PLEKHA7: variants seen among roughly 807,000 people sequenced by gnomAD.
The protein encoded by PLEKHA7 is pleckstrin homology domain-containing family A member 7.
PLEKHA7 carries 104 observed loss-of-function variants against 170.0 expected under a neutral mutation model. The ratio of observed to expected loss-of-function variants is 0.61; its 90% CI spans 0.52 to 0.72. The LOEUF is 0.72. Ranked by LOEUF, PLEKHA7 falls within the 30% of genes least tolerant of loss-of-function variation. The pLI, the probability that PLEKHA7 is intolerant of heterozygous loss-of-function variation, is 0.00. For synonymous variants in PLEKHA7, 648 were observed against 660.8 expected (o/e 0.98, Z 0.30); for missense variants, 1,615 against 1,671.7 (o/e 0.97, Z 0.59).
Position 16,791,648 on chromosome 11 carries a change from A to T in PLEKHA7, c.2746-449T>A, listed in dbSNP as rs1295598666. 2.2e-6 allele frequency: 1 copy of T among 459,748 alleles called. No individual in the cohort carries two copies. Among genetic ancestry groups the T allele is most frequent in the East Asian group, 6.9e-5 (1 of 14,506 alleles). The allele number at this position is 459,748 out of a possible 1,614,324, so 28.5% of individuals were successfully genotyped here. A position where few individuals can be genotyped will look rare whatever the true frequency, so the allele number is the denominator to read the frequency against. ...GCCTGAGCCGGCTCATTGGCCCTAC[A>T]CGAGCTCTGGCGCCTTCAGCAAGGT... On this transcript the variant is annotated intron_variant, in intron 19 of 26. Coordinates refer to ENST00000531066, the MANE Select transcript of PLEKHA7 (RefSeq NM_001329630.2). The surrounding 1 kb of genome is among the most constrained non-coding windows in gnomAD (Gnocchi z 4.5).
intron 3 of PLEKHA7, among the ~76,000 whole-genome samples, chr11:17,003,854 G>A (rs2137063228): frequency 6.6e-6 from 1 of 152,306 alleles, no homozygotes; most frequent in African/African-American, 2.4e-5. Flanking sequence ...AGACAGAGAA[G>A]TGATCCGGCA....
intron 3 of PLEKHA7, among the ~76,000 whole-genome samples, chr11:16,949,881 C>T (rs1042350100): frequency 8.6e-5 from 13 of 151,778 alleles, no homozygotes; most frequent in Admixed American, 7.2e-4. Flanking sequence ...GGGGAGAGAC[C>T]AGAACATCAA....
chr11:16,792,512 G>C (rs1847931920), intron 19 of PLEKHA7, among the ~76,000 whole-genome samples: 1 of 149,722 alleles, frequency 6.7e-6, no homozygotes, highest in African/African-American at 2.5e-5. Flanking sequence ...GTGTTTAGGA[G>C]TCAACACAGG....
chr11:16,871,205 G>A, intron 3 of PLEKHA7, 23 bp from the exon 4 acceptor site: 1 of 1,564,536 alleles, frequency 6.4e-7, no homozygotes, highest in Non-Finnish European at 8.8e-7. Context: ...AGAGAAGATG[G>A]ATGAGAATTC....
intron 3 of PLEKHA7, among the ~76,000 whole-genome samples, chr11:16,897,738 G>C (rs1256782326): frequency 2.0e-5 from 3 of 152,184 alleles, no homozygotes; most frequent in African/African-American, 4.8e-5. Context: ...AAAGCAATTA[G>C]AAATAAGGTT....
chr11:16,836,511 C>T (rs1249332055), intron 9 of PLEKHA7, among the ~76,000 whole-genome samples: 1 of 152,212 alleles, frequency 6.6e-6, no homozygotes, highest in Admixed American at 6.5e-5. Flanking sequence ...ACAGAGGGAG[C>T]GAATGAAATG....
Position 16,923,990 on chromosome 11 carries a change from T to TA in PLEKHA7, c.222-52809dup, listed in dbSNP as rs1241270361. On this transcript the variant is annotated intron_variant, in intron 3 of 26. Transcript: ENST00000531066. ...AACTATTCTAAGGCCCTGGCTGGGG[T>TA]AAAAAATCTCCTCAGGTCTGTCTCT... Among the ~76,000 whole-genome samples, 6 of 151,382 alleles carry TA rather than the reference T, an allele frequency of 4.0e-5. No homozygotes were observed. In the South Asian group the frequency reaches 6.3e-4, roughly 16 times the overall value.
intron 3 of PLEKHA7, among the ~76,000 whole-genome samples, chr11:16,931,575 C>T (rs1036416144): frequency 6.6e-6 from 1 of 151,604 alleles, no homozygotes; most frequent in Non-Finnish European, 1.5e-5. Context: ...ATATACAAAA[C>T]AAACAAACAC....
At chr11:16,929,761 T>C (rs979920952) in intron 3 of PLEKHA7, among the ~76,000 whole-genome samples, 14 of 152,186 alleles carry the variant, frequency 9.2e-5, no homozygotes, top group Admixed American at 2.6e-4. Context: ...TCCCAGCACT[T>C]TGGGAGGCCG....
intron 3 of PLEKHA7, among the ~76,000 whole-genome samples, chr11:16,909,773 C>G (rs545407990): frequency 6.6e-6 from 1 of 152,314 alleles, no homozygotes; most frequent in South Asian, 2.1e-4. Flanking sequence ...TGCTTCACTG[C>G]CCACATTCAG....
At chr11:16,989,740 T>C (rs369401761) in intron 3 of PLEKHA7, among the ~76,000 whole-genome samples, 25 of 152,354 alleles carry the variant, frequency 1.6e-4, no homozygotes, top group African/African-American at 5.3e-4. Flanking sequence ...AACAAGTGAT[T>C]ATATGAACAA....
chr11:16,890,080 T>A (rs4756868), intron 3 of PLEKHA7, among the ~76,000 whole-genome samples: 1 of 152,080 alleles, frequency 6.6e-6, no homozygotes, highest in African/African-American at 2.4e-5. Context: ...AGAAATAAAA[T>A]GTTTCCTAGA....
chr11:16,908,548 T>G (rs887236060), intron 3 of PLEKHA7, among the ~76,000 whole-genome samples: 1 of 151,228 alleles, frequency 6.6e-6, no homozygotes, highest in East Asian at 1.9e-4. Context: ...CAGGCTGGAG[T>G]GCAGTGGCGC....
chr11:16,886,003 A>AC (rs948871068), intron 3 of PLEKHA7, among the ~76,000 whole-genome samples: 7 of 150,872 alleles, frequency 4.6e-5, no homozygotes, highest in African/African-American at 1.2e-4. Context: ...CATCGGAAAA[A>AC]AAAAAAAAAG....
intron 6 of PLEKHA7, among the ~76,000 whole-genome samples, chr11:16,852,910 T>C (rs1021150886): frequency 6.6e-6 from 1 of 152,238 alleles, no homozygotes; most frequent in African/African-American, 2.4e-5. Context: ...AAGAAAAATC[T>C]GTCTTTACTC....
intron 23 of PLEKHA7, chr11:16,787,216 C>T: frequency 4.1e-6 from 4 of 985,428 alleles, no homozygotes; most frequent in Non-Finnish European, 4.8e-6. Flanking sequence ...GAGAACAGAG[C>T]AGGCTCAAAG....
At chr11:17,001,277 T>C (rs1864647959) in intron 3 of PLEKHA7, among the ~76,000 whole-genome samples, 1 of 152,204 alleles carries the variant, frequency 6.6e-6, no homozygotes, top group Non-Finnish European at 1.5e-5. Flanking sequence ...AGCTGCTTAA[T>C]TGGAGTCTGG....
At chr11:16,967,847 C>T (rs535739849) in intron 3 of PLEKHA7, among the ~76,000 whole-genome samples, 3 of 152,306 alleles carry the variant, frequency 2.0e-5, no homozygotes, top group Admixed American at 6.5e-5. Flanking sequence ...TGCCTCACCC[C>T]ACCCCTCACC....
intron 3 of PLEKHA7, among the ~76,000 whole-genome samples, chr11:16,950,573 G>C (rs1312375031): frequency 1.3e-5 from 2 of 150,308 alleles, no homozygotes; most frequent in Non-Finnish European, 2.9e-5. Context: ...AGCATGGTCC[G>C]CAGGCCTTCC....
Sources: gnomAD v4.1 joint callset for allele counts (sites outside exome capture counted in the v4.1 genomes callset) on GRCh38, gnomAD v4.1.1 for gene constraint, Gnocchi (gnomAD v3.1) non-coding constraint, MANE v1.5 for transcripts, NCBI Gene and HGNC (gene_info 2026-07-23, HGNC 2026-07-21) for gene names.